PCDH9: variants seen among roughly 807,000 people sequenced by gnomAD.
PCDH9 encodes the protein protocadherin 9.
In PCDH9, 24 loss-of-function variants were observed where a neutral mutation model predicts 70.6. That is an observed-to-expected ratio of 0.34 (90% CI 0.25 to 0.48). PCDH9 has a LOEUF of 0.48. PCDH9 is among the 20% of genes least tolerant of loss of function. PCDH9 has a pLI of 0.99. For missense variants in PCDH9, 1,281 were observed against 1,503.6 expected, an observed-to-expected ratio of 0.85 and a Z score of 2.45; for synonymous variants, 562 against 558.5, an observed-to-expected ratio of 1.01 and a Z score of -0.09.
intron 3 of PCDH9, among the ~76,000 whole-genome samples, chr13:66,757,185 C>T (rs1189340034): frequency 6.6e-6 from 1 of 152,146 alleles, no homozygotes; most frequent in African/African-American, 2.4e-5. Flanking sequence ...GTCTTCGGTG[C>T]TCTGTCCCTC....
At chr13:67,093,615 C>G (rs1333841290) in intron 2 of PCDH9, among the ~76,000 whole-genome samples, 1 of 152,108 alleles carries the variant, frequency 6.6e-6, no homozygotes, top group African/African-American at 2.4e-5. Context: ...ACACATGTTT[C>G]TCATTAGCAG....
intron 4 of PCDH9, among the ~76,000 whole-genome samples, chr13:66,380,401 C>T (rs554835595): frequency 8.6e-5 from 13 of 151,990 alleles, no homozygotes; most frequent in African/African-American, 3.1e-4. Context: ...ACTGAAAGAA[C>T]TGAAAGCAAT....
chr13:67,007,982 C>T (rs1022866), intron 2 of PCDH9, among the ~76,000 whole-genome samples: 115,697 of 152,052 alleles, frequency 0.76, 44,441 homozygotes, highest in East Asian at 0.97. Context: ...TTGAAGCTTA[C>T]TTTATCATTC....
Position 66,718,654 on chromosome 13 carries a change from C to A in PCDH9, c.3139-87243G>T, listed in dbSNP as rs191432784. Among the ~76,000 whole-genome samples, 11 of 152,216 alleles carry A rather than the reference C, an allele frequency of 7.2e-5. 1 individual carries two copies. In the East Asian group the frequency reaches 2.1e-3, roughly 29 times the overall value. ...ATCTAGAAAGTGTATGGTTAAGTTACTACGTGAATTATAAGCAATTTTCGA... is the reference window on the plus strand; with the variant it reads ...ATCTAGAAAGTGTATGGTTAAGTTAATACGTGAATTATAAGCAATTTTCGA... On this transcript the variant is annotated intron_variant, in intron 3 of 4. Coordinates refer to ENST00000377865, the MANE Select transcript of PCDH9 (RefSeq NM_203487.3).
intron 4 of PCDH9, among the ~76,000 whole-genome samples, chr13:66,490,179 G>A (rs140854589): frequency 6.6e-4 from 100 of 152,290 alleles, no homozygotes; most frequent in Non-Finnish European, 1.1e-3. Flanking sequence ...AGAATATGCT[G>A]TATAAAAGGG....
At chr13:66,384,546 CA>C (rs1298257156) in intron 4 of PCDH9, among the ~76,000 whole-genome samples, 13 of 152,056 alleles carry the variant, frequency 8.5e-5, no homozygotes, top group Non-Finnish European at 1.9e-4. Context: ...GTAAGAGCAC[CA>C]AAAATCTATT....
intron 4 of PCDH9, among the ~76,000 whole-genome samples, chr13:66,608,934 G>A (rs796303820): frequency 2.1e-4 from 32 of 152,286 alleles, no homozygotes; most frequent in African/African-American, 6.7e-4. Flanking sequence ...TTGCAGCAAA[G>A]ACTTTAGCTA....
chr13:66,797,132 A>C (rs1393756311), intron 3 of PCDH9, among the ~76,000 whole-genome samples: 1 of 152,166 alleles, frequency 6.6e-6, no homozygotes, highest in Non-Finnish European at 1.5e-5. Context: ...TTAAGACTCT[A>C]TCTCTCAGGT....
At chr13:67,038,429 T>C (rs2085050303) in intron 2 of PCDH9, among the ~76,000 whole-genome samples, 1 of 152,114 alleles carries the variant, frequency 6.6e-6, no homozygotes, top group South Asian at 2.1e-4. Flanking sequence ...ATAAATACAG[T>C]CAAATATAAA....
rs560914474 is a variant in PCDH9, at chr13:66,546,643, T to C, written c.3340+84567A>G. Reference sequence around the variant, plus strand: ...AAACAATTAATATATTTGATTTAGCTCAAATATGCAGAGTTTATAAAGTTT... The same window carrying C: ...AAACAATTAATATATTTGATTTAGCCCAAATATGCAGAGTTTATAAAGTTT... On this transcript the variant is annotated intron_variant, in intron 4 of 4. Coordinates refer to ENST00000377865, the MANE Select transcript of PCDH9 (RefSeq NM_203487.3). 3.8e-3 allele frequency among the ~76,000 whole-genome samples: 578 copies of C among 152,292 alleles called. 3 individuals carry two copies. The highest frequency in any genetic ancestry group is 0.013 in the African/African-American group (546 of 41,552).
rs564293224 is a variant in PCDH9 at position 66,610,443 on chromosome 13, G to T, written c.3340+20767C>A. On this transcript the variant is annotated intron_variant, in intron 4 of 4. Transcript: ENST00000377865. The stretch of plus-strand genomic sequence containing the variant: ...CTTTATACCCTTTTGAACAATAAAT[G>T]AACTAAAGCACCAAAAAGCCTTCTG... Among the ~76,000 whole-genome samples, 3 of 152,092 alleles carry T rather than the reference G, an allele frequency of 2.0e-5. No homozygotes were observed. The South Asian group carries it at 6.2e-4, about 32-fold the overall frequency.
chr13:66,846,779 C>A (rs893943475), intron 3 of PCDH9, among the ~76,000 whole-genome samples: 2 of 151,842 alleles, frequency 1.3e-5, no homozygotes, highest in African/African-American at 2.4e-5. Flanking sequence ...AGTATATTTT[C>A]TTTTCCTTGA....
intron 2 of PCDH9, among the ~76,000 whole-genome samples, chr13:66,927,331 G>A (rs1207202985): frequency 6.6e-6 from 1 of 152,018 alleles, no homozygotes; most frequent in Non-Finnish European, 1.5e-5. Context: ...TCACTTGTAA[G>A]TGGGAGCTAA....
At chr13:66,850,026 T>C (rs774447650) in intron 3 of PCDH9, among the ~76,000 whole-genome samples, 6 of 152,112 alleles carry the variant, frequency 3.9e-5, no homozygotes, top group Admixed American at 6.5e-5. Flanking sequence ...TTCTTGCAAT[T>C]TTCCACTTAC....
At chr13:66,664,830 C>G (rs1486246505) in intron 3 of PCDH9, among the ~76,000 whole-genome samples, 1 of 152,034 alleles carries the variant, frequency 6.6e-6, no homozygotes, top group Non-Finnish European at 1.5e-5. Flanking sequence ...TCTTACCTGG[C>G]ATGTTCCTAA....
At chr13:66,393,923 A>T (rs540451636) in intron 4 of PCDH9, among the ~76,000 whole-genome samples, 2 of 152,324 alleles carry the variant, frequency 1.3e-5, no homozygotes, top group South Asian at 4.1e-4. Context: ...GCAAGAAACG[A>T]GTGGAATCTG....
intron 4 of PCDH9, among the ~76,000 whole-genome samples, chr13:66,620,689 G>C (rs1292449604): frequency 1.3e-5 from 2 of 151,434 alleles, no homozygotes; most frequent in Non-Finnish European, 2.9e-5. Flanking sequence ...ACAAAAATCA[G>C]TGTTCCTTTT....
intron 3 of PCDH9, among the ~76,000 whole-genome samples, chr13:66,783,073 T>G (rs1279362087): frequency 1.3e-5 from 2 of 152,138 alleles, no homozygotes; most frequent in Non-Finnish European, 2.9e-5. Flanking sequence ...TCTCAGTTGC[T>G]CACAGATTTC....
intron 4 of PCDH9, among the ~76,000 whole-genome samples, chr13:66,407,759 T>G (rs1957304455): frequency 6.6e-6 from 1 of 152,174 alleles, no homozygotes; most frequent in South Asian, 2.1e-4. Context: ...GTTTTGGTAT[T>G]CTTGACATCC....
Sources: allele counts gnomAD v4.1 joint callset (sites outside exome capture counted in the v4.1 genomes callset), GRCh38; gene constraint gnomAD v4.1.1; transcripts MANE v1.5; gene names NCBI Gene and HGNC (gene_info 2026-07-23, HGNC 2026-07-21).